CD163: variants seen among roughly 807,000 people sequenced by gnomAD.
CD163 encodes the protein scavenger receptor cysteine-rich type 1 protein M130.
In CD163, 64 loss-of-function variants were observed where a neutral mutation model predicts 129.2. That is an observed-to-expected ratio of 0.50 (90% CI 0.41 to 0.61). The LOEUF (loss-of-function observed/expected upper bound fraction) is 0.61, where lower values mean the gene tolerates loss of function less well. Ranked by LOEUF, CD163 falls within the 20% of genes least tolerant of loss-of-function variation. The probability of loss-of-function intolerance (pLI) is 0.00; values close to 1 mark genes in which losing one functional copy is unlikely to be tolerated. For synonymous variants in CD163, 446 were observed against 478.5 expected (o/e 0.93, Z 0.89); for missense variants, 1,061 against 1,377.9 (o/e 0.77, Z 3.64).
chr12:7,476,250 A>G (rs1226755643), intron 16 of CD163, among the ~76,000 whole-genome samples: 3 of 152,224 alleles, frequency 2.0e-5, no homozygotes, highest in African/African-American at 7.2e-5. Flanking sequence ...TAAATTTGAT[A>G]TGGAACAAAA....
chr12:7,497,268 A>C (rs1949416473), intron 4 of CD163, 135 bp from the exon 5 acceptor site: 1 of 691,210 alleles, frequency 1.4e-6, no homozygotes, highest in Non-Finnish European at 2.4e-6. Context: ...GTACTGTACT[A>C]CCACTGGAAA....
Position 7,495,331 on chromosome 12 carries a change from A to T in CD163, c.1170T>A (p.Ile390=). 1 of 1,614,120 alleles carries T rather than the reference A, an allele frequency of 6.2e-7. No individual in the cohort carries two copies. The highest frequency in any genetic ancestry group is 2.2e-5 in the East Asian group (1 of 44,882). Residue 390 remains isoleucine (I), a synonymous_variant, in exon 6 of 17, where the codon ATT becomes ATA. Coordinates refer to ENST00000432237, the MANE Select transcript of CD163 (RefSeq NM_203416.4). ...CACACACCTTCCCTAACAGTCTCTG[A>T]ATCTCCACCTCAACTGTCCCAGCAC... The part of the protein sequence containing the change: ...SRCAGTVEVE[I]QRLLGKVCDR...
Position 7,483,694 on chromosome 12 carries a change from G to A in CD163, c.2780-19C>T. 6.4e-7 allele frequency: 1 copy of A among 1,574,002 alleles called. No homozygotes were observed. Among genetic ancestry groups the A allele is most frequent in the Middle Eastern group, 1.7e-4 (1 of 5,888 alleles). On this transcript the variant is annotated intron_variant, in intron 11 of 16. Coordinates refer to ENST00000432237, the MANE Select transcript of CD163 (RefSeq NM_203416.4). ...ATCTTGTCTGAAAAATCAGAGACAT[G>A]TAGCCTATTTCTAAGACTTCTAAAA... is the stretch of plus-strand genomic sequence containing the variant.
intron 10 of CD163, among the ~76,000 whole-genome samples, chr12:7,486,045 T>C (rs1221236766): frequency 6.6e-6 from 1 of 152,220 alleles, no homozygotes; most frequent in Non-Finnish European, 1.5e-5. Context: ...ATGCTACTTT[T>C]TGTTTCTATG....
chr12:7,478,808 T>C (rs1949122659), intron 16 of CD163, among the ~76,000 whole-genome samples: 1 of 151,968 alleles, frequency 6.6e-6, no homozygotes. Flanking sequence ...AATATGTAGA[T>C]GAATTATAGG....
chr12:7,482,064 G>A (rs1275422170), intron 14 of CD163, among the ~76,000 whole-genome samples: 2 of 151,968 alleles, frequency 1.3e-5, no homozygotes, highest in Admixed American at 6.6e-5. Context: ...CTACATTGTA[G>A]TGTATTTGTT....
chr12:7,494,270 T>C (rs879520066), intron 6 of CD163, among the ~76,000 whole-genome samples: 1 of 152,226 alleles, frequency 6.6e-6, no homozygotes, highest in Admixed American at 6.6e-5. Flanking sequence ...TAAAAAGTAA[T>C]ATAGAAATTC....
intron 15 of CD163, 150 bp downstream of exon 15, chr12:7,481,011 T>C: frequency 7.4e-7 from 1 of 1,355,924 alleles, no homozygotes; most frequent in East Asian, 2.7e-5. Flanking sequence ...CCAAGAATAA[T>C]TTTCAGTCAT....
rs140172463 is a variant in CD163, at chr12:7,490,658, G to A, written c.1421-2571C>T. ...CAGCCCTTGCCAATCTACATACTCTGATTTCCTTTCATCTCTCATAAACCT... is the reference window on the plus strand; with the variant it reads ...CAGCCCTTGCCAATCTACATACTCTAATTTCCTTTCATCTCTCATAAACCT... On this transcript the variant is annotated intron_variant, in intron 6 of 16. Coordinates refer to ENST00000432237, the MANE Select transcript of CD163 (RefSeq NM_203416.4). 6.7e-3 allele frequency among the ~76,000 whole-genome samples: 1,022 copies of A among 151,948 alleles called. 10 individuals are homozygous for A. The highest frequency in any genetic ancestry group is 0.024 in the African/African-American group (979 of 41,494).
At position 7,495,360 on chromosome 12, in the gene CD163, G is replaced by A. The variant is rs201732077; in HGVS notation, c.1141C>T (p.Arg381Cys). Residue 381 changes from arginine to cysteine, a missense_variant, in exon 6 of 17, where the codon CGC becomes TGC. Coordinates refer to ENST00000432237, the MANE Select transcript of CD163 (RefSeq NM_203416.4). ...TCCACCTCAACTGTCCCAGCACAGC[G>A]GCTGCCTCCACCTCTAAGTCTTAGC... ...LELRLRGGGS[R>C]CAGTVEVEIQ... The A allele has an allele frequency of 4.1e-5, 66 of 1,614,004 alleles. No homozygotes were observed. Among genetic ancestry groups the A allele is most frequent in the East Asian group, 2.9e-4 (13 of 44,882 alleles).
rs1405024111 is a variant in CD163, at chr12:7,471,045, G to A, written c.*384C>T. 6.6e-6 allele frequency: 1 copy of A among 151,976 alleles called. No individual in the cohort carries two copies. Among genetic ancestry groups the A allele is most frequent in the Non-Finnish European group, 1.5e-5 (1 of 68,004 alleles). The allele number at this position is 151,976 out of a possible 1,614,324, so 9.4% of individuals were successfully genotyped here. On this transcript the variant is annotated 3_prime_UTR_variant, in exon 17 of 17. Coordinates refer to ENST00000432237, the MANE Select transcript of CD163 (RefSeq NM_203416.4). Reference sequence around the variant, plus strand: ...CAAACCAAATAAGAAAAAATATACAGTACTGTATATGCAAATTGAAACACT... The same window carrying A: ...CAAACCAAATAAGAAAAAATATACAATACTGTATATGCAAATTGAAACACT...
At chr12:7,476,698 C>T (rs763340636) in intron 16 of CD163, among the ~76,000 whole-genome samples, 176 of 152,328 alleles carry the variant, frequency 1.2e-3, no homozygotes, top group African/African-American at 4.0e-3. Flanking sequence ...ATAACTAAAA[C>T]ACCAAAAGCA....
Position 7,483,558 on chromosome 12 carries a change from A to G in CD163, c.2897T>C (p.Val966Ala). ...TGGACCACAGCCAAGTTGTTGACACACCACCTGAGCATCGTCCAAGTCCCA... is the reference window on the plus strand; with the variant it reads ...TGGACCACAGCCAAGTTGTTGACACGCCACCTGAGCATCGTCCAAGTCCCA... The part of the protein sequence containing the change: ...DSWDLDDAQV[V>A]CQQLGCGPAL... The change falls in exon 12 of 17, where the codon GTG (valine) becomes GCG (alanine). Residue 966 changes from valine to alanine, a missense_variant. By Grantham distance (64) the Val-to-Ala change is moderately conservative (BLOSUM62 0). Coordinates refer to ENST00000432237, the MANE Select transcript of CD163 (RefSeq NM_203416.4). 1 of 1,613,730 alleles carries G rather than the reference A, an allele frequency of 6.2e-7. No homozygotes were observed. Among genetic ancestry groups the G allele is most frequent in the South Asian group, 1.1e-5 (1 of 91,060 alleles).
In CD163 at chr12:7,479,883, T is replaced by A. The variant is rs1386342700; in HGVS notation, c.*8A>T. 1 of 1,612,258 alleles carries A rather than the reference T, an allele frequency of 6.2e-7. No individual in the cohort carries two copies. Among genetic ancestry groups the A allele is most frequent in the Non-Finnish European group, 8.5e-7 (1 of 1,179,224 alleles). ...ACCTCACTGGGTTATAAATTCCCAT[T>A]TTCCTTTTCAGTGTGGCTCAGAATG... On this transcript the variant is annotated 3_prime_UTR_variant, in exon 16 of 17. Transcript: ENST00000432237.
chr12:7,497,413 C>T (rs186988653), intron 4 of CD163, among the ~76,000 whole-genome samples: 2 of 152,314 alleles, frequency 1.3e-5, no homozygotes, highest in Non-Finnish European at 2.9e-5. Context: ...TATTTGACCA[C>T]CACAGAGTTC....
Position 7,485,211 on chromosome 12 carries a change from C to T in CD163, c.2664G>A (p.Met888Ile). The T allele has an allele frequency of 6.2e-7, 1 of 1,614,204 alleles. No homozygotes were observed. The highest frequency in any genetic ancestry group is 8.5e-7 in the Non-Finnish European group (1 of 1,180,014). Residue 888 changes from methionine to isoleucine, a missense_variant, in exon 11 of 17, where the codon ATG (methionine) becomes ATA (isoleucine). Transcript: ENST00000432237. This position sits in a 1 kb window ranked among gnomAD's most constrained non-coding sequence, Gnocchi z 4.5. ...ASLDKAMSIP[M>I]WVDNVQCPKG... ...TTGGACACTGAACATTGTCCACCCA[C>T]ATGGGAATGGACATGGCCTTGTCTA...
In CD163 at chr12:7,496,704, G is replaced by A. The variant is rs1949406369; in HGVS notation, c.1099+109C>T. ...GAATTCCCAGCAAGGAATTTACTAG[G>A]CATTTCTACTTCTTAAGGAGCACGT... On this transcript the variant is annotated intron_variant, in intron 5 of 16. Coordinates refer to ENST00000432237, the MANE Select transcript of CD163 (RefSeq NM_203416.4). The surrounding 1 kb of genome is among the most constrained non-coding windows in gnomAD (Gnocchi z 4.8). 1.2e-6 allele frequency: 1 copy of A among 832,266 alleles called. No individual in the cohort carries two copies. Among genetic ancestry groups the A allele is most frequent in the Non-Finnish European group, 2.0e-6 (1 of 511,110 alleles). The allele number at this position is 832,266 out of a possible 1,614,324, so 51.6% of individuals were successfully genotyped here. A position where few individuals can be genotyped will look rare whatever the true frequency, so the allele number is the denominator to read the frequency against.
At position 7,485,935 on chromosome 12, in the gene CD163, T is replaced by A. The variant is rs1436147442; in HGVS notation, c.2459-519A>T. Among the ~76,000 whole-genome samples the A allele has an allele frequency of 1.3e-5, 2 of 152,202 alleles. No individual in the cohort carries two copies. The highest frequency in any genetic ancestry group is 2.9e-5 in the Non-Finnish European group (2 of 68,044). On this transcript the variant is annotated intron_variant, in intron 10 of 16. Transcript: ENST00000432237. The surrounding 1 kb of genome is among the most constrained non-coding windows in gnomAD (Gnocchi z 4.5). ...ACTTCCTTAAGTTACTGAATCATAG[T>A]TCTGTTCCCCATAATACATATGAAA...
At chr12:7,488,336 G>A (rs1949285102) in intron 6 of CD163, among the ~76,000 whole-genome samples, 1 of 152,066 alleles carries the variant, frequency 6.6e-6, no homozygotes, top group Non-Finnish European at 1.5e-5. Flanking sequence ...CATCCCCAAA[G>A]GCAATGATAA....
Sources: gnomAD v4.1 joint callset for allele counts (sites outside exome capture counted in the v4.1 genomes callset) on GRCh38, gnomAD v4.1.1 for gene constraint, Gnocchi (gnomAD v3.1) non-coding constraint, MANE v1.5 for transcripts, NCBI Gene and HGNC (gene_info 2026-07-23, HGNC 2026-07-21) for gene names.